The following HORMAD2 variants were observed in gnomAD, a reference collection of about 807,000 sequenced individuals.
HORMAD2 encodes the protein HORMA domain containing 2, also known as HORMA domain-containing protein 2.
A neutral mutation model predicts 38.8 loss-of-function variants in HORMAD2; 45 were observed. The ratio of observed to expected loss-of-function variants is 1.16; its 90% CI spans 0.91 to 1.49. HORMAD2 has a LOEUF of 1.49. Ranked by LOEUF, HORMAD2 falls within the 40% of genes most tolerant of loss-of-function variation. The probability of loss-of-function intolerance (pLI) is 0.00; values close to 1 mark genes in which losing one functional copy is unlikely to be tolerated. For synonymous variants in HORMAD2, 126 were observed against 122.8 expected (o/e 1.03, Z -0.17); for missense variants, 338 against 367.0 (o/e 0.92, Z 0.65).
intron 10 of HORMAD2, among the ~76,000 whole-genome samples, chr22:30,132,765 T>C (rs1270316167): frequency 6.6e-6 from 1 of 152,218 alleles, no homozygotes; most frequent in Non-Finnish European, 1.5e-5. Context: ...CATTTCTTTT[T>C]TTATATGAAT....
Position 30,169,016 on chromosome 22 carries a change from A to G in HORMAD2, c.820-7047A>G, listed in dbSNP as rs182913992. On this transcript the variant is annotated intron_variant, in intron 10 of 10. Coordinates refer to ENST00000336726, the MANE Select transcript of HORMAD2 (RefSeq NM_152510.4). Reference sequence around the variant, plus strand: ...CCCATTGAGCTATACCCAATTCCCCAGAGGTATCCTGCTTTATATCCCTGT... The same window carrying G: ...CCCATTGAGCTATACCCAATTCCCCGGAGGTATCCTGCTTTATATCCCTGT... Among the ~76,000 whole-genome samples, 22 of 152,246 alleles carry G rather than the reference A, an allele frequency of 1.4e-4. No homozygotes were observed. In the East Asian group the frequency reaches 2.7e-3, roughly 19 times the overall value.
chr22:30,200,340 A>G, the HORMAD2 span, among the ~76,000 whole-genome samples: 5 of 152,212 alleles, frequency 3.3e-5, no homozygotes, highest in South Asian at 2.1e-4. Context: ...CCATGTAACA[A>G]TGGCTATATT....
chr22:30,191,635 G>A, the HORMAD2 span, among the ~76,000 whole-genome samples: 10 of 152,270 alleles, frequency 6.6e-5, no homozygotes, highest in East Asian at 5.8e-4. Context: ...TGGACTTCAC[G>A]TTATTACATT....
chr22:30,151,683 T>G (rs1924759170), intron 10 of HORMAD2, among the ~76,000 whole-genome samples: 1 of 152,210 alleles, frequency 6.6e-6, no homozygotes, highest in Non-Finnish European at 1.5e-5. Flanking sequence ...TATTTGCATG[T>G]TTTAAAATTT....
At chr22:30,088,812 T>C (rs1236406514) in intron 1 of HORMAD2, among the ~76,000 whole-genome samples, 2 of 152,042 alleles carry the variant, frequency 1.3e-5, no homozygotes, top group Admixed American at 6.5e-5. Context: ...TGTCTAAGAC[T>C]AATAACTACC....
At chr22:30,156,702 C>T (rs537261068) in intron 10 of HORMAD2, among the ~76,000 whole-genome samples, 46 of 152,330 alleles carry the variant, frequency 3.0e-4, no homozygotes, top group Middle Eastern at 3.4e-3. Flanking sequence ...TTTTGCAAGG[C>T]AATATCTACA....
chr22:30,139,204 A>G (rs893318703), intron 10 of HORMAD2, among the ~76,000 whole-genome samples: 1 of 146,962 alleles, frequency 6.8e-6, no homozygotes, highest in Non-Finnish European at 1.5e-5. Context: ...CCATAATTGG[A>G]TAAGCCAATT....
At chr22:30,200,012 G>A in the HORMAD2 span, among the ~76,000 whole-genome samples, 1 of 152,034 alleles carries the variant, frequency 6.6e-6, no homozygotes, top group Non-Finnish European at 1.5e-5. Context: ...TGCCTCCTGG[G>A]TTCAAGTGAT....
At chr22:30,181,512 C>G (rs1444783704), downstream of HORMAD2, among the ~76,000 whole-genome samples, 1 of 152,132 alleles carries the variant, frequency 6.6e-6, no homozygotes, top group Non-Finnish European at 1.5e-5. Context: ...ATATGCTGCC[C>G]TCCCACATTT....
chr22:30,207,100 A>G, the HORMAD2 span: 1 of 470,600 alleles, frequency 2.1e-6, no homozygotes, highest in Non-Finnish European at 4.4e-6. Context: ...CGGCTGTGGT[A>G]CCAGGAGCTG....
chr22:30,085,506 C>T (rs920643517), intron 1 of HORMAD2, among the ~76,000 whole-genome samples: 2 of 152,184 alleles, frequency 1.3e-5, no homozygotes, highest in South Asian at 2.1e-4. Context: ...GTAATCCCAG[C>T]ACTTTGGGAG....
the HORMAD2 span, among the ~76,000 whole-genome samples, chr22:30,191,872 C>T: frequency 1.3e-4 from 20 of 151,614 alleles, no homozygotes; most frequent in Admixed American, 2.6e-4. Flanking sequence ...TCTGTCCATA[C>T]CCACCTTGAT....
rs1262183024 is a variant in HORMAD2 at position 30,101,287 on chromosome 22, C to T, written c.194-2150C>T. On this transcript the variant is annotated intron_variant, in intron 3 of 10. Coordinates refer to ENST00000336726, the MANE Select transcript of HORMAD2 (RefSeq NM_152510.4). Reference sequence around the variant, plus strand: ...AATTAGTTCATGTCCTTTGTAGGAACATGGATGATGCTGGAAACCATCATT... The same window carrying T: ...AATTAGTTCATGTCCTTTGTAGGAATATGGATGATGCTGGAAACCATCATT... 2.0e-5 allele frequency among the ~76,000 whole-genome samples: 3 copies of T among 152,218 alleles called. No individual in the cohort carries two copies. The East Asian group carries it at 5.8e-4, about 29-fold the overall frequency.
At chr22:30,089,576 C>A (rs1197581421) in intron 1 of HORMAD2, among the ~76,000 whole-genome samples, 1 of 152,150 alleles carries the variant, frequency 6.6e-6, no homozygotes, top group Non-Finnish European at 1.5e-5. Context: ...TGGTCTTGAT[C>A]TCCTGACCTC....
chr22:30,169,349 C>G (rs1828826854), intron 10 of HORMAD2, among the ~76,000 whole-genome samples: 1 of 151,450 alleles, frequency 6.6e-6, no homozygotes, highest in Non-Finnish European at 1.5e-5. Flanking sequence ...AGAGAAGGTG[C>G]CCAAAAAAAA....
chr22:30,142,757 A>G (rs1008236262), intron 10 of HORMAD2, among the ~76,000 whole-genome samples: 1 of 152,102 alleles, frequency 6.6e-6, no homozygotes, highest in Non-Finnish European at 1.5e-5. Flanking sequence ...TTGTACCTCT[A>G]TTCCTCCTTG....
chr22:30,137,135 C>G, intron 10 of HORMAD2: 1 of 438,032 alleles, frequency 2.3e-6, no homozygotes, highest in African/African-American at 2.0e-5. Context: ...CCATGGAACA[C>G]ATTTTGTCAC....
the HORMAD2 span, among the ~76,000 whole-genome samples, chr22:30,191,783 T>C: frequency 1.3e-5 from 2 of 152,248 alleles, no homozygotes; most frequent in African/African-American, 4.8e-5. Context: ...AATATTTTGC[T>C]TGTAGCTCTG....
chr22:30,127,743 A>G (rs1177131280), intron 10 of HORMAD2, among the ~76,000 whole-genome samples: 1 of 152,206 alleles, frequency 6.6e-6, no homozygotes, highest in Non-Finnish European at 1.5e-5. Context: ...GGTACCTTAG[A>G]TTCAACATCT....
Sources: allele counts gnomAD v4.1 joint callset (sites outside exome capture counted in the v4.1 genomes callset), GRCh38; gene constraint gnomAD v4.1.1; transcripts MANE v1.5; gene names NCBI Gene and HGNC (gene_info 2026-07-23, HGNC 2026-07-21).